PRR16: variants seen among roughly 807,000 people sequenced by gnomAD.
The protein encoded by PRR16 is proline rich 16, also known as protein Largen.
Under a neutral mutation model 18.2 loss-of-function variants are expected in PRR16, and 6 were observed. The observed-to-expected ratio is 0.33, with a 90% CI of 0.18 to 0.65. PRR16 has a LOEUF of 0.65. Ranked by LOEUF, PRR16 falls within the 30% of genes least tolerant of loss-of-function variation. PRR16 has a pLI of 0.74. For synonymous variants in PRR16, 151 were observed against 147.8 expected (o/e 1.02, Z -0.16); for missense variants, 412 against 376.6 (o/e 1.09, Z -0.78).
chr5:120,482,294 C>G (rs79897026), intron 1 of PRR16, among the ~76,000 whole-genome samples: 3 of 152,244 alleles, frequency 2.0e-5, no homozygotes, highest in Middle Eastern at 3.4e-3. Context: ...TCTCTCCCCC[C>G]ATTAGTCCCC....
chr5:120,750,488 G>A, the PRR16 span, among the ~76,000 whole-genome samples: 1 of 151,622 alleles, frequency 6.6e-6, no homozygotes, highest in African/African-American at 2.4e-5. Flanking sequence ...GTGAAATCCT[G>A]TCTCTACTAA....
intron 1 of PRR16, among the ~76,000 whole-genome samples, chr5:120,482,140 GC>G (rs1197533816): frequency 6.6e-6 from 1 of 152,048 alleles, no homozygotes; most frequent in Non-Finnish European, 1.5e-5. Flanking sequence ...AATAATTTCA[GC>G]TTTTATTTTA....
intron 1 of PRR16, among the ~76,000 whole-genome samples, chr5:120,549,275 T>G (rs77836355): frequency 0.036 from 5,459 of 152,136 alleles, 111 homozygotes; most frequent in South Asian, 0.045. Context: ...TTTTTGTTTT[T>G]ATTTTGTAGA....
At chr5:120,464,730 G>A (rs1749019825) in intron 1 of PRR16, 85 bp downstream of exon 1, 1 of 1,384,478 alleles carries the variant, frequency 7.2e-7, no homozygotes, top group South Asian at 1.5e-5. Context: ...GGGACAGCCA[G>A]ATTTCCAAAC....
chr5:120,528,246 C>A (rs549244847), intron 1 of PRR16, among the ~76,000 whole-genome samples: 1 of 152,224 alleles, frequency 6.6e-6, no homozygotes, highest in South Asian at 2.1e-4. Flanking sequence ...AAATACTTAG[C>A]TTTTTGAACT....
chr5:120,745,255 A>G, the PRR16 span, among the ~76,000 whole-genome samples: 48 of 152,234 alleles, frequency 3.2e-4, no homozygotes, highest in African/African-American at 1.1e-3. Flanking sequence ...TGATGAAATT[A>G]TTGTTTATGC....
chr5:120,521,372 C>T (rs953896938), intron 1 of PRR16, among the ~76,000 whole-genome samples: 2 of 151,852 alleles, frequency 1.3e-5, no homozygotes, highest in South Asian at 2.1e-4. Flanking sequence ...TTATTACAAT[C>T]GTTGTGGTTG....
intron 1 of PRR16, among the ~76,000 whole-genome samples, chr5:120,668,489 C>A (rs960878838): frequency 6.6e-6 from 1 of 151,670 alleles, no homozygotes. Context: ...GAATTTGATC[C>A]TGTCATTATG....
the PRR16 span, among the ~76,000 whole-genome samples, chr5:120,761,151 A>G: frequency 6.6e-6 from 1 of 152,120 alleles, no homozygotes; most frequent in Non-Finnish European, 1.5e-5. Flanking sequence ...GCCCTCCTGT[A>G]TCTATTGCTT....
chr5:120,655,139 A>G (rs1014216828), intron 1 of PRR16, among the ~76,000 whole-genome samples: 1 of 151,922 alleles, frequency 6.6e-6, no homozygotes, highest in Non-Finnish European at 1.5e-5. Context: ...TCTGATTTCC[A>G]GTCTCCACCC....
chr5:120,686,300 G>C lies in PRR16; in HGVS notation c.506G>C (p.Gly169Ala). 6.2e-7 allele frequency: 1 copy of C among 1,614,062 alleles called. No homozygotes were observed. Among genetic ancestry groups the C allele is most frequent in the Non-Finnish European group, 8.5e-7 (1 of 1,180,006 alleles). ...LPGGPNKIPN[G>A]DICCIPNSNL... ...GGTGGACCTAACAAAATTCCAAATG[G>C]AGATATCTGCTGCATACCCAACAGT... The change falls in exon 2 of 2, where the codon GGA (glycine) becomes GCA (alanine). Residue 169 changes from glycine to alanine, a missense_variant. Physicochemically the swap from Gly to Ala is moderately conservative, Grantham distance 60. Transcript: ENST00000407149.
At chr5:120,634,119 A>G (rs1401408195) in intron 1 of PRR16, among the ~76,000 whole-genome samples, 1 of 152,208 alleles carries the variant, frequency 6.6e-6, no homozygotes, top group Non-Finnish European at 1.5e-5. Context: ...ATCAACTCCA[A>G]AAGGAGTCCT....
chr5:120,632,535 A>T (rs1264092102), intron 1 of PRR16, among the ~76,000 whole-genome samples: 2 of 152,286 alleles, frequency 1.3e-5, no homozygotes, highest in East Asian at 3.9e-4. Context: ...ATTAAAAAAA[A>T]ATCATAATGT....
chr5:120,772,632 G>C, the PRR16 span, among the ~76,000 whole-genome samples: 1 of 151,832 alleles, frequency 6.6e-6, no homozygotes, highest in Non-Finnish European at 1.5e-5. Flanking sequence ...GACTGGAATG[G>C]ATATAAGATG....
intron 1 of PRR16, chr5:120,481,065 A>T: frequency 8.8e-7 from 1 of 1,141,704 alleles, no homozygotes. Flanking sequence ...GGCAGGCAAT[A>T]CTTTGGCCCA....
At chr5:120,464,992 C>G (rs929407410) in intron 1 of PRR16, among the ~76,000 whole-genome samples, 2 of 152,058 alleles carry the variant, frequency 1.3e-5, no homozygotes, top group Non-Finnish European at 2.9e-5. Context: ...CCGGCTGGAG[C>G]GTGCAAGATG....
At chr5:120,643,538 A>G (rs1435181802) in intron 1 of PRR16, among the ~76,000 whole-genome samples, 1 of 152,172 alleles carries the variant, frequency 6.6e-6, no homozygotes, top group Non-Finnish European at 1.5e-5. Context: ...AGTAAATTCT[A>G]AAGTATAGAG....
intron 1 of PRR16, among the ~76,000 whole-genome samples, chr5:120,647,245 G>T (rs975264871): frequency 6.6e-6 from 1 of 151,848 alleles, no homozygotes; most frequent in South Asian, 2.1e-4. Flanking sequence ...CAATTATTCA[G>T]TTGTTGCCTA....
At chr5:120,768,571 G>A in the PRR16 span, among the ~76,000 whole-genome samples, 1 of 151,538 alleles carries the variant, frequency 6.6e-6, no homozygotes, top group Non-Finnish European at 1.5e-5. Context: ...AATAAGTATG[G>A]GGAGAATAAT....
Sources: allele counts gnomAD v4.1 joint callset (sites outside exome capture counted in the v4.1 genomes callset), GRCh38; gene constraint gnomAD v4.1.1; transcripts MANE v1.5; gene names NCBI Gene and HGNC (gene_info 2026-07-23, HGNC 2026-07-21).